Variants in ZNF521 observed in about 807,000 individuals in gnomAD.
The protein encoded by ZNF521 is zinc finger protein 521, also known as LYST-interacting protein 3.
In ZNF521, 14 loss-of-function variants were observed where a neutral mutation model predicts 105.5. The observed-to-expected ratio is 0.13, with a 90% confidence interval of 0.09 to 0.21. ZNF521 has a LOEUF of 0.21. Among genes scored for constraint, ZNF521 ranks in the 10% least tolerant of loss-of-function variants. The probability of loss-of-function intolerance (pLI) is 1.00; values close to 1 mark genes in which losing one functional copy is unlikely to be tolerated. For synonymous variants in ZNF521, 635 were observed against 606.0 expected, an observed-to-expected ratio of 1.05 and a Z score of -0.70; for missense variants, 1,233 against 1,629.7, an observed-to-expected ratio of 0.76 and a Z score of 4.19.
rs569779704 is a variant in ZNF521 at position 25,228,880 on chromosome 18, C to T, written c.221-1183G>A. ...GTTGTGAAACCTCTTTTTTGCTTTT[C>T]ATAACCTATTATTCAAGATCAGAAG... On this transcript the variant is annotated intron_variant, in intron 3 of 7. Coordinates refer to ENST00000361524, the MANE Select transcript of ZNF521 (RefSeq NM_015461.3). Among the ~76,000 whole-genome samples the T allele has an allele frequency of 3.3e-5, 5 of 151,988 alleles. No individual in the cohort carries two copies. The South Asian group carries it at 1.0e-3, about 32-fold the overall frequency.
intron 4 of ZNF521, among the ~76,000 whole-genome samples, chr18:25,211,318 T>G (rs2036174943): frequency 1.3e-5 from 2 of 152,166 alleles, no homozygotes; most frequent in South Asian, 2.1e-4. Context: ...TTTGGGAGTT[T>G]TTTGTTTTTA....
chr18:25,172,255 G>A (rs1270637777), intron 5 of ZNF521, among the ~76,000 whole-genome samples: 1 of 152,056 alleles, frequency 6.6e-6, no homozygotes, highest in African/African-American at 2.4e-5. Context: ...CTTCTAAAAT[G>A]CTGCTTGTGG....
chr18:25,208,879 G>A (rs2036128342), intron 4 of ZNF521, among the ~76,000 whole-genome samples: 1 of 152,022 alleles, frequency 6.6e-6, no homozygotes, highest in African/African-American at 2.4e-5. Context: ...GTAGAGACGA[G>A]GTCTTGCTAC....
chr18:25,077,940 GAAAA>G (rs921124979), intron 7 of ZNF521, among the ~76,000 whole-genome samples: 1 of 147,436 alleles, frequency 6.8e-6, no homozygotes, highest in African/African-American at 2.5e-5. Context: ...CAAAGAAGAA[GAAAA>G]AAAAAACATT....
At chr18:25,125,396 G>C (rs2034520071) in intron 5 of ZNF521, among the ~76,000 whole-genome samples, 1 of 152,088 alleles carries the variant, frequency 6.6e-6, no homozygotes. Flanking sequence ...TTCATATTAA[G>C]AAAATTAGGC....
chr18:25,258,135 G>C (rs1179436076), intron 3 of ZNF521, among the ~76,000 whole-genome samples: 2 of 152,226 alleles, frequency 1.3e-5, no homozygotes, highest in East Asian at 1.9e-4. Flanking sequence ...TAATTGATAA[G>C]AATAATAATA....
intron 5 of ZNF521, 108 bp from the exon 6 acceptor site, chr18:25,092,189 T>C (rs1180824566): frequency 1.0e-5 from 13 of 1,257,650 alleles, no homozygotes; most frequent in South Asian, 1.5e-5. Context: ...TCACCTAATA[T>C]ACATATGTAG....
At chr18:25,337,621 A>C (rs866856589) in intron 2 of ZNF521, among the ~76,000 whole-genome samples, 1 of 152,196 alleles carries the variant, frequency 6.6e-6, no homozygotes, top group Admixed American at 6.5e-5. Context: ...GTAAGGATGA[A>C]GTATTTAAAC....
chr18:25,116,891 A>G (rs945414281), intron 5 of ZNF521, among the ~76,000 whole-genome samples: 6 of 51,398 alleles, frequency 1.2e-4, no homozygotes, highest in South Asian at 9.1e-4. Flanking sequence ...ATATATACGT[A>G]TATATATATG....
chr18:25,226,134 A>G lies in ZNF521; in HGVS notation c.1784T>C (p.Ile595Thr), dbSNP rs762953247. The change falls in exon 4 of 8, where the codon ATC (isoleucine) becomes ACC (threonine). Residue 595 changes from isoleucine (I) to threonine (T), a missense_variant. This residue lies in a region of ZNF521 where 614 missense variants were observed against 751.5 expected (regional missense o/e 0.82). Coordinates refer to ENST00000361524, the MANE Select transcript of ZNF521 (RefSeq NM_015461.3). The surrounding 1 kb of genome is among the most constrained non-coding windows in gnomAD (Gnocchi z 4.1). ...GGCCCTGGATTTCTTCCCATTGTGGATATAATTCAGGGCCAAGGGAATGTT... is the reference window on the plus strand; with the variant it reads ...GGCCCTGGATTTCTTCCCATTGTGGGTATAATTCAGGGCCAAGGGAATGTT... Reference protein sequence around the residue: ...HKNIPLALNYIHNGKKSRALS... With the variant: ...HKNIPLALNYTHNGKKSRALS... 2 of 1,614,172 alleles carry G rather than the reference A, an allele frequency of 1.2e-6. No individual in the cohort carries two copies. Among genetic ancestry groups the G allele is most frequent in the Non-Finnish European group, 1.7e-6 (2 of 1,180,032 alleles).
chr18:25,109,132 TC>T (rs1324622432), intron 5 of ZNF521, among the ~76,000 whole-genome samples: 1 of 151,972 alleles, frequency 6.6e-6, no homozygotes, highest in East Asian at 1.9e-4. Flanking sequence ...ACTTTGGAGT[TC>T]CCAGTTTCTA....
At chr18:25,169,025 T>C (rs760327574) in intron 5 of ZNF521, among the ~76,000 whole-genome samples, 1 of 152,086 alleles carries the variant, frequency 6.6e-6, no homozygotes, top group Admixed American at 6.6e-5. Flanking sequence ...CAGGTAATAG[T>C]TTCCACAATT....
intron 4 of ZNF521, chr18:25,200,978 T>G (rs951697960): frequency 6.6e-6 from 1 of 152,038 alleles, no homozygotes; most frequent in Non-Finnish European, 1.5e-5. Flanking sequence ...TTTTTTCTGC[T>G]TTACTAGTGT....
intron 3 of ZNF521, among the ~76,000 whole-genome samples, chr18:25,250,677 C>T (rs531286440): frequency 5.3e-5 from 8 of 152,082 alleles, no homozygotes; most frequent in Non-Finnish European, 1.2e-4. Context: ...GAAAAATGCC[C>T]GAGAATTTAG....
chr18:25,090,734 A>G (rs920487351), intron 6 of ZNF521, among the ~76,000 whole-genome samples: 2 of 152,114 alleles, frequency 1.3e-5, no homozygotes, highest in African/African-American at 2.4e-5. Flanking sequence ...AACATGAAAG[A>G]CCTATTTTAT....
intron 4 of ZNF521, among the ~76,000 whole-genome samples, chr18:25,215,852 G>A (rs534448833): frequency 3.9e-5 from 6 of 152,286 alleles, no homozygotes; most frequent in Non-Finnish European, 7.3e-5. Flanking sequence ...ACTGGTGCCA[G>A]GGCCGTTGAC....
intron 5 of ZNF521, among the ~76,000 whole-genome samples, chr18:25,096,321 C>T (rs1394339995): frequency 6.6e-6 from 1 of 152,140 alleles, no homozygotes; most frequent in Non-Finnish European, 1.5e-5. Context: ...TGTCTAAAGC[C>T]AGTTCAAAGA....
chr18:25,092,797 G>T (rs2033773851), intron 5 of ZNF521, among the ~76,000 whole-genome samples: 1 of 152,156 alleles, frequency 6.6e-6, no homozygotes, highest in Non-Finnish European at 1.5e-5. Context: ...TGAGGGGGCA[G>T]AAAAATATTT....
In ZNF521 at chr18:25,225,945, T is replaced by C; in HGVS notation, c.1973A>G (p.Asp658Gly). Residue 658 changes from aspartate (D) to glycine (G), a missense_variant, in exon 4 of 8, where the codon GAC becomes GGC. Physicochemically the swap from Asp to Gly is moderately conservative, Grantham distance 94 (BLOSUM62 -1). Transcript: ENST00000361524. This position sits in a 1 kb window ranked among gnomAD's most constrained non-coding sequence, Gnocchi z 5.6. ...SFQTHLKTHL[D>G]TVLPKLTCPQ... ...ACAGGTCAATTTTGGAAGCACAGTGTCGAGATGAGTTTTTAGGTGAGTCTG... is the reference window on the plus strand; with the variant it reads ...ACAGGTCAATTTTGGAAGCACAGTGCCGAGATGAGTTTTTAGGTGAGTCTG... The C allele has an allele frequency of 6.2e-7, 1 of 1,614,144 alleles. No homozygotes were observed. The highest frequency in any genetic ancestry group is 1.6e-4 in the Middle Eastern group (1 of 6,062).
Sources: gnomAD v4.1 joint callset for allele counts (sites outside exome capture counted in the v4.1 genomes callset) on GRCh38, gnomAD v4.1.1 for gene constraint, gnomAD v4.1.1 regional missense constraint, Gnocchi (gnomAD v3.1) non-coding constraint, MANE v1.5 for transcripts, NCBI Gene and HGNC (gene_info 2026-07-23, HGNC 2026-07-21) for gene names.